HYCC1: variants seen among roughly 807,000 people sequenced by gnomAD.
The protein encoded by HYCC1 is hyccin PI4KA lipid kinase complex subunit 1.
chr7:23,002,221 C>T, the HYCC1 span, among the ~76,000 whole-genome samples: 1 of 139,892 alleles, frequency 7.1e-6, no homozygotes. Context: ...TGCTGAAAAA[C>T]CACTGTGGCA....
chr7:22,973,897 G>A, the HYCC1 span, among the ~76,000 whole-genome samples: 5 of 152,214 alleles, frequency 3.3e-5, no homozygotes, highest in East Asian at 3.9e-4. Flanking sequence ...TAACTTTTCC[G>A]TCAGTAGTTT....
chr7:22,927,569 A>G, the HYCC1 span, among the ~76,000 whole-genome samples: 1 of 152,256 alleles, frequency 6.6e-6, no homozygotes, highest in East Asian at 1.9e-4. Flanking sequence ...CTACGCAAAT[A>G]AACTAGAAGA....
chr7:22,897,821 G>A, the HYCC1 span, among the ~76,000 whole-genome samples: 10 of 152,030 alleles, frequency 6.6e-5, no homozygotes, highest in Non-Finnish European at 1.5e-4. Flanking sequence ...TTTTTGTAGA[G>A]ATGGGGTTTT....
At chr7:23,010,376 A>C in the HYCC1 span, among the ~76,000 whole-genome samples, 1 of 152,180 alleles carries the variant, frequency 6.6e-6, no homozygotes, top group African/African-American at 2.4e-5. Flanking sequence ...GTAAACAAAC[A>C]AACATAACAT....
At chr7:22,953,627 T>C in the HYCC1 span, among the ~76,000 whole-genome samples, 294 of 152,034 alleles carry the variant, frequency 1.9e-3, 2 homozygotes, top group African/African-American at 6.5e-3. Flanking sequence ...TATCAATGTA[T>C]TTCAGCTCTT....
At chr7:22,988,465 A>G in the HYCC1 span, among the ~76,000 whole-genome samples, 10 of 152,314 alleles carry the variant, frequency 6.6e-5, no homozygotes, top group South Asian at 1.7e-3. Flanking sequence ...TACTTAAATA[A>G]TATTTCCTAT....
the HYCC1 span, among the ~76,000 whole-genome samples, chr7:22,981,795 T>C: frequency 6.6e-6 from 1 of 152,162 alleles, no homozygotes; most frequent in Non-Finnish European, 1.5e-5. Context: ...AATATCAAAT[T>C]TGTGTGGTGC....
At chr7:22,919,848 T>C in the HYCC1 span, among the ~76,000 whole-genome samples, 38,298 of 151,390 alleles carry the variant, frequency 0.25, 4,997 homozygotes, top group East Asian at 0.48. Flanking sequence ...ATAAGGAGAA[T>C]ATCAGAAGAA....
chr7:23,012,412 G>A, the HYCC1 span, among the ~76,000 whole-genome samples: 8 of 152,254 alleles, frequency 5.3e-5, no homozygotes, highest in African/African-American at 1.2e-4. Flanking sequence ...TGCTAATGCC[G>A]ATGACTAAGA....
chr7:22,960,215 A>G, the HYCC1 span: 1 of 1,587,548 alleles, frequency 6.3e-7, no homozygotes, highest in Non-Finnish European at 8.6e-7. Context: ...AATGTAAAAG[A>G]ATCAACAATG....
At chr7:22,941,427 G>A in the HYCC1 span, 10 of 151,990 alleles carry the variant, frequency 6.6e-5, no homozygotes, top group South Asian at 4.1e-4. Context: ...CAAAGTCGTC[G>A]TTTATTCTTT....
At chr7:22,926,703 A>G in the HYCC1 span, among the ~76,000 whole-genome samples, 187 of 151,452 alleles carry the variant, frequency 1.2e-3, no homozygotes, top group African/African-American at 4.1e-3. Context: ...GTGACCTACA[A>G]AGAGACTTAG....
the HYCC1 span, among the ~76,000 whole-genome samples, chr7:22,900,481 A>G: frequency 6.6e-6 from 1 of 152,204 alleles, no homozygotes. Flanking sequence ...ATTAAACCCA[A>G]TTTTAGCCAA....
At chr7:22,907,831 G>A in the HYCC1 span, among the ~76,000 whole-genome samples, 2 of 152,194 alleles carry the variant, frequency 1.3e-5, no homozygotes, top group Non-Finnish European at 2.9e-5. Context: ...AGAATCGCTT[G>A]AACCCGGGAG....
chr7:22,979,552 T>C, the HYCC1 span, among the ~76,000 whole-genome samples: 1 of 152,202 alleles, frequency 6.6e-6, no homozygotes, highest in African/African-American at 2.4e-5. Flanking sequence ...AAAGAATGAC[T>C]GGTTAGGGAT....
chr7:22,978,047 T>C, the HYCC1 span: 9 of 598,444 alleles, frequency 1.5e-5, no homozygotes, highest in Admixed American at 2.7e-4. Context: ...AATGAAATGG[T>C]CTGATTTTCA....
At chr7:22,960,697 G>T in the HYCC1 span, among the ~76,000 whole-genome samples, 8 of 152,272 alleles carry the variant, frequency 5.3e-5, no homozygotes, top group East Asian at 1.5e-3. Context: ...GTATGTTAAG[G>T]AGAACAATTC....
At chr7:23,001,536 T>G in the HYCC1 span, among the ~76,000 whole-genome samples, 672 of 152,308 alleles carry the variant, frequency 4.4e-3, 4 homozygotes, top group African/African-American at 0.015. Context: ...TAAAATAAAT[T>G]GCTAGGGAAA....
chr7:22,912,988 G>C, the HYCC1 span, among the ~76,000 whole-genome samples: 1 of 152,126 alleles, frequency 6.6e-6, no homozygotes, highest in East Asian at 1.9e-4. Flanking sequence ...GCTGGGTGTG[G>C]TGGTGGGCGC....
Sources: allele counts gnomAD v4.1 joint callset (sites outside exome capture counted in the v4.1 genomes callset), GRCh38; gene constraint gnomAD v4.1.1; transcripts MANE v1.5; gene names NCBI Gene and HGNC (gene_info 2026-07-23, HGNC 2026-07-21).